Variants in PTPN7 observed in about 807,000 individuals in gnomAD.
PTPN7 encodes the protein tyrosine-protein phosphatase non-receptor type 7.
Under a neutral mutation model 50.3 loss-of-function variants are expected in PTPN7, and 33 were observed. The ratio of observed to expected loss-of-function variants is 0.66; its 90% CI spans 0.50 to 0.88. The LOEUF (loss-of-function observed/expected upper bound fraction) is 0.88, where lower values mean the gene tolerates loss of function less well. Among genes scored for constraint, PTPN7 ranks in the 40% least tolerant of loss-of-function variants. PTPN7 has a pLI of 0.00. For missense variants in PTPN7, 412 were observed against 475.4 expected (o/e 0.87, Z 1.24); for synonymous variants, 185 against 186.6 (o/e 0.99, Z 0.07).
chr1:202,159,665 G>T lies in PTPN7; in HGVS notation c.-52-211C>A. 2.8e-6 allele frequency: 4 copies of T among 1,426,144 alleles called. No individual in the cohort carries two copies. In the Admixed American group the frequency reaches 1.1e-4, roughly 38 times the overall value. 88.3% of individuals were successfully genotyped at this position (1,426,144 alleles called of 1,614,324 possible). On this transcript the variant is annotated intron_variant, in intron 1 of 9. Transcript: ENST00000691036. This position sits in a 1 kb window ranked among gnomAD's most constrained non-coding sequence, Gnocchi z 4.6. ...CGGGGTAGAGTAACGGCAAGATAAA[G>T]GGTAGAGATTGTGGATGAAGATAGG...
rs1255589018 is a variant in PTPN7 at position 202,155,721 on chromosome 1, T to C, written c.392-112A>G. The C allele has an allele frequency of 8.9e-6, 8 of 900,428 alleles. No individual in the cohort carries two copies. In the East Asian group the frequency reaches 2.0e-4, roughly 23 times the overall value. 55.8% of individuals were successfully genotyped at this position (900,428 alleles called of 1,614,324 possible). On this transcript the variant is annotated intron_variant, in intron 4 of 9. Coordinates refer to ENST00000691036, the MANE Select transcript of PTPN7 (RefSeq NM_002832.4). ...TGTGCTCATCACAGTCATAGCACCT[T>C]GTGTATAGCAGGTGGCCTTACACCC...
intron 9 of PTPN7, 148 bp from the exon 10 acceptor site, chr1:202,148,847 CTTTTTTTTTTTT>C (rs10652170): frequency 2.9e-5 from 4 of 136,100 alleles, no homozygotes; most frequent in Non-Finnish European, 5.0e-5. Context: ...CATCTTTTCA[CTTTTTTTTTTTT>C]TTTTTTTTTT....
At chr1:202,149,829 G>GTTTTTTTTTTTTTTTTTT (rs67499965) in intron 9 of PTPN7, 3 of 92,914 alleles carry the variant, frequency 3.2e-5, no homozygotes, top group Non-Finnish European at 4.2e-5. Context: ...TCTTTTTTTT[G>GTTTTTTTTTTTTTTTTTT]TTTTTTTTTT....
At chr1:202,157,555 A>G (rs12083166) in intron 4 of PTPN7, among the ~76,000 whole-genome samples, 184 bp downstream of exon 4, 4,135 of 151,334 alleles carry the variant, frequency 0.027, 110 homozygotes, top group African/African-American at 0.058. Context: ...CCCAGGGTAC[A>G]TATCTGCAAA....
rs540069763 is a variant in PTPN7 at position 202,156,791 on chromosome 1, C to T, written c.391+948G>A. On this transcript the variant is annotated intron_variant, in intron 4 of 9. Transcript: ENST00000691036. ...GCCCGAGTGCTCACTGAGCTAAAGC[C>T]TCAAGCTGGGAGTAGCTTCCCTGTA... Among the ~76,000 whole-genome samples the T allele has an allele frequency of 2.0e-5, 3 of 152,298 alleles. No individual in the cohort carries two copies. In the South Asian group the frequency reaches 6.2e-4, roughly 32 times the overall value.
At chr1:202,150,201 C>T (rs1655823978) in intron 9 of PTPN7, 110 bp downstream of exon 9, 1 of 825,004 alleles carries the variant, frequency 1.2e-6, no homozygotes, top group Admixed American at 2.2e-5. Flanking sequence ...AGGGTTTCTT[C>T]CTTTCTTGCA....
At chr1:202,161,032 C>A, upstream of PTPN7, 1 of 1,393,198 alleles carries the variant, frequency 7.2e-7, no homozygotes, top group South Asian at 1.7e-5. Context: ...AGGCCCTCTC[C>A]CTCAAGGCCC....
rs776566046 is a variant in PTPN7, at chr1:202,159,240, G to C, written c.122+41C>G. On this transcript the variant is annotated intron_variant, in intron 2 of 9. Coordinates refer to ENST00000691036, the MANE Select transcript of PTPN7 (RefSeq NM_002832.4). The surrounding 1 kb of genome is among the most constrained non-coding windows in gnomAD (Gnocchi z 4.6). Reference sequence around the variant, plus strand: ...GAAGGAAGGGAGGAGCGGAATGGGGGCTCAGGGCTCGGAAGACCCCTCCCC... The same window carrying C: ...GAAGGAAGGGAGGAGCGGAATGGGGCCTCAGGGCTCGGAAGACCCCTCCCC... The C allele has an allele frequency of 1.3e-6, 2 of 1,587,484 alleles. No homozygotes were observed. Among genetic ancestry groups the C allele is most frequent in the Admixed American group, 3.4e-5 (2 of 59,642 alleles).
At chr1:202,149,379 A>G (rs1655676144) in intron 9 of PTPN7, among the ~76,000 whole-genome samples, 1 of 152,236 alleles carries the variant, frequency 6.6e-6, no homozygotes, top group African/African-American at 2.4e-5. Flanking sequence ...TAATCTTAAA[A>G]AGTAAAAATA....
At chr1:202,160,992 T>A (rs1193603745), upstream of PTPN7, 13 of 1,423,584 alleles carry the variant, frequency 9.1e-6, no homozygotes, top group Middle Eastern at 2.3e-4. The surrounding 1 kb of genome is among the most constrained non-coding windows in gnomAD (Gnocchi z 4.8). Flanking sequence ...TTTCTCCTTC[T>A]CTGCTTCTGC....
At chr1:202,161,063 G>T (rs183630951), upstream of PTPN7, 229 of 1,375,450 alleles carry the variant, frequency 1.7e-4, no homozygotes, top group African/African-American at 3.0e-3. Flanking sequence ...AGCCCTTGCT[G>T]CTTCAAGCCT....
chr1:202,147,721 G>A lies in PTPN7; in HGVS notation c.*885C>T, dbSNP rs1320385676. 4 of 152,226 alleles carry A rather than the reference G, an allele frequency of 2.6e-5. No individual in the cohort carries two copies. Among genetic ancestry groups the A allele is most frequent in the African/African-American group, 9.6e-5 (4 of 41,462 alleles). The allele number at this position is 152,226 out of a possible 1,614,324, so 9.4% of individuals were successfully genotyped here. ...TTGGAAACAGCCAAGCTCTCTAGGT[G>A]TACTCAGCAAATGCAAGGTATAGTG... On this transcript the variant is annotated 3_prime_UTR_variant, in exon 10 of 10. Coordinates refer to ENST00000691036, the MANE Select transcript of PTPN7 (RefSeq NM_002832.4).
chr1:202,161,075 G>T, upstream of PTPN7: 1 of 1,364,836 alleles, frequency 7.3e-7, no homozygotes. Flanking sequence ...TTCAAGCCTT[G>T]GGAATTCATG....
chr1:202,148,989 A>G (rs1040122156), intron 9 of PTPN7, among the ~76,000 whole-genome samples: 2 of 150,432 alleles, frequency 1.3e-5, no homozygotes, highest in African/African-American at 4.9e-5. Flanking sequence ...CTGAGTAGCT[A>G]GGACTACAAG....
chr1:202,158,041 CCCGTGA>C, intron 3 of PTPN7, 71 bp downstream of exon 3: 1 of 1,468,516 alleles, frequency 6.8e-7, no homozygotes, highest in Non-Finnish European at 9.2e-7. Flanking sequence ...GCCCAGGGTG[CCCGTGA>C]GAGAATGGTT....
upstream of PTPN7, chr1:202,160,858 T>C (rs1027358916): frequency 1.3e-6 from 2 of 1,490,248 alleles, no homozygotes; most frequent in Non-Finnish European, 1.8e-6. This position sits in a 1 kb window ranked among gnomAD's most constrained non-coding sequence, Gnocchi z 4.8. Context: ...GTTTCTCCTC[T>C]GGGTCTTTGT....
At chr1:202,151,525 A>AT (rs34492607) in intron 8 of PTPN7, among the ~76,000 whole-genome samples, 41,826 of 151,400 alleles carry the variant, frequency 0.28, 6,287 homozygotes, top group Middle Eastern at 0.36. Context: ...GTGGTATTTA[A>AT]TTTTTTTTTG....
At position 202,154,130 on chromosome 1, in the gene PTPN7, G is replaced by C; in HGVS notation, c.606+56C>G. 4 of 1,607,088 alleles carry C rather than the reference G, an allele frequency of 2.5e-6. No homozygotes were observed. In the South Asian group the frequency reaches 4.4e-5, roughly 18 times the overall value. ...GAGCTGCCCTGTGTGTGGGGTGGGG[G>C]TGGGGTGGGCATAGCACTTTCTGGG... is the stretch of plus-strand genomic sequence containing the variant. On this transcript the variant is annotated intron_variant, in intron 6 of 9. Transcript: ENST00000691036.
intron 7 of PTPN7, among the ~76,000 whole-genome samples, chr1:202,153,252 C>T (rs1656248007): frequency 6.6e-6 from 1 of 152,090 alleles, no homozygotes; most frequent in African/African-American, 2.4e-5. Context: ...ACCTCTGCCT[C>T]CTGGGTTCAA....
Sources: gnomAD v4.1 joint callset for allele counts (sites outside exome capture counted in the v4.1 genomes callset) on GRCh38, gnomAD v4.1.1 for gene constraint, Gnocchi (gnomAD v3.1) non-coding constraint, MANE v1.5 for transcripts, NCBI Gene and HGNC (gene_info 2026-07-23, HGNC 2026-07-21) for gene names.